The following CCSER1 variants were observed in gnomAD, a reference collection of about 807,000 sequenced individuals.
CCSER1 encodes serine-rich coiled-coil domain-containing protein 1.
CCSER1 carries 41 observed loss-of-function variants against 82.0 expected under a neutral mutation model. The ratio of observed to expected loss-of-function variants is 0.50; its 90% CI spans 0.39 to 0.65. The LOEUF (loss-of-function observed/expected upper bound fraction) is 0.65, where lower values mean the gene tolerates loss of function less well. Ranked by LOEUF, CCSER1 falls within the 30% of genes least tolerant of loss-of-function variation. The pLI is 0.00. For synonymous variants in CCSER1, 414 were observed against 383.9 expected, an observed-to-expected ratio of 1.08 and a Z score of -0.92; for missense variants, 1,119 against 1,064.2, an observed-to-expected ratio of 1.05 and a Z score of -0.72.
intron 10 of CCSER1, among the ~76,000 whole-genome samples, chr4:91,242,708 G>A (rs1025791817): frequency 6.6e-6 from 1 of 152,084 alleles, no homozygotes; most frequent in Non-Finnish European, 1.5e-5. Flanking sequence ...AAAAATATTA[G>A]CCATGGACTG....
chr4:90,725,145 T>A (rs981596910), intron 7 of CCSER1: 1 of 229,956 alleles, frequency 4.3e-6, no homozygotes, highest in African/African-American at 2.3e-5. Flanking sequence ...GCTACAAAGT[T>A]TGATGTTACC....
intron 9 of CCSER1, among the ~76,000 whole-genome samples, chr4:91,081,186 A>G (rs1336172956): frequency 6.6e-6 from 1 of 152,232 alleles, no homozygotes; most frequent in African/African-American, 2.4e-5. Context: ...CGAATTAGGC[A>G]GCAAATCAAA....
intron 10 of CCSER1, among the ~76,000 whole-genome samples, chr4:91,295,785 T>C (rs1038893125): frequency 7.2e-5 from 11 of 151,964 alleles, no homozygotes; most frequent in African/African-American, 2.7e-4. Context: ...TGCTCTTTGG[T>C]GTTACGCATC....
chr4:90,892,257 T>G (rs777243077), intron 8 of CCSER1, among the ~76,000 whole-genome samples: 32 of 151,944 alleles, frequency 2.1e-4, no homozygotes, highest in Admixed American at 2.1e-3. Flanking sequence ...CAGTAGACCT[T>G]TAATTTTACA....
intron 8 of CCSER1, among the ~76,000 whole-genome samples, chr4:90,890,416 G>T (rs1722789154): frequency 6.6e-6 from 1 of 152,132 alleles, no homozygotes; most frequent in African/African-American, 2.4e-5. Context: ...TTGTGTGTGG[G>T]TGTGTGCACA....
intron 1 of CCSER1, among the ~76,000 whole-genome samples, chr4:90,277,877 A>G (rs1728123612): frequency 6.6e-6 from 1 of 152,180 alleles, no homozygotes; most frequent in Non-Finnish European, 1.5e-5. Flanking sequence ...AAGAGAAACT[A>G]TTAAAGGAGT....
Position 90,923,394 on chromosome 4 carries a change from G to C in CCSER1, c.2119G>C (p.Ala707Pro), listed in dbSNP as rs1307331717. Residue 707 changes from alanine to proline, a missense_variant, in exon 9 of 11, where the codon GCT (alanine) becomes CCT (proline). By Grantham distance (27) the Ala-to-Pro change is conservative. Coordinates refer to ENST00000509176, the MANE Select transcript of CCSER1 (RefSeq NM_001145065.2). ...GGGAAAAGTCCGGCATTTACAGAAG[G>C]CTTTTGCTTCAAGAGTAGATAAATC... ...ELGKVRHLQK[A>P]FASRVDKSTQ... 1.3e-6 allele frequency: 2 copies of C among 1,551,420 alleles called. No homozygotes were observed. Among genetic ancestry groups the C allele is most frequent in the East Asian group, 4.9e-5 (2 of 40,904 alleles).
chr4:90,971,642 A>G (rs989589346), intron 9 of CCSER1, among the ~76,000 whole-genome samples: 3 of 152,020 alleles, frequency 2.0e-5, no homozygotes, highest in Admixed American at 6.6e-5. Context: ...AAAGGACAGT[A>G]TGCTTCAAAA....
At chr4:91,444,831 T>C (rs1214750022) in intron 10 of CCSER1, among the ~76,000 whole-genome samples, 1 of 152,232 alleles carries the variant, frequency 6.6e-6, no homozygotes, top group East Asian at 1.9e-4. Context: ...TAGTTTGTTG[T>C]CCTTGCTTGC....
At chr4:91,527,092 G>C (rs537764373) in intron 10 of CCSER1, among the ~76,000 whole-genome samples, 5 of 152,184 alleles carry the variant, frequency 3.3e-5, no homozygotes. Flanking sequence ...GAAGCAATGT[G>C]TTAATGCATG....
intron 1 of CCSER1, among the ~76,000 whole-genome samples, chr4:90,157,921 C>T (rs1026933496): frequency 6.6e-6 from 1 of 152,202 alleles, no homozygotes; most frequent in Non-Finnish European, 1.5e-5. Flanking sequence ...TGGTGAGGAA[C>T]TATGTTCCTT....
intron 5 of CCSER1, among the ~76,000 whole-genome samples, chr4:90,516,290 T>A (rs1772259981): frequency 6.6e-6 from 1 of 152,146 alleles, no homozygotes; most frequent in Non-Finnish European, 1.5e-5. Flanking sequence ...TTCACTTGAA[T>A]CCAAACAGGA....
At chr4:91,022,859 T>G (rs1340002089) in intron 9 of CCSER1, among the ~76,000 whole-genome samples, 1 of 152,180 alleles carries the variant, frequency 6.6e-6, no homozygotes, top group African/African-American at 2.4e-5. Context: ...ATGGGGTTGT[T>G]TATTTTTTTC....
chr4:90,438,703 G>T (rs1183360462), intron 4 of CCSER1, among the ~76,000 whole-genome samples: 1 of 152,054 alleles, frequency 6.6e-6, no homozygotes, highest in Non-Finnish European at 1.5e-5. Context: ...ATATGTCATG[G>T]TAGATCAGCA....
intron 6 of CCSER1, among the ~76,000 whole-genome samples, chr4:90,673,678 T>C (rs904944602): frequency 2.0e-5 from 3 of 151,948 alleles, no homozygotes; most frequent in African/African-American, 7.2e-5. Flanking sequence ...ATCTGTATTA[T>C]TGAGTAAGAG....
At chr4:90,228,536 A>G (rs1247248065) in intron 1 of CCSER1, among the ~76,000 whole-genome samples, 1 of 152,168 alleles carries the variant, frequency 6.6e-6, no homozygotes, top group African/African-American at 2.4e-5. Context: ...CAGAGCAGAA[A>G]AACTGGAAAC....
At chr4:90,628,752 A>C (rs951218323) in intron 6 of CCSER1, among the ~76,000 whole-genome samples, 1 of 152,124 alleles carries the variant, frequency 6.6e-6, no homozygotes, top group Non-Finnish European at 1.5e-5. Flanking sequence ...GGGCCTAGTT[A>C]CTGAAACAGT....
chr4:91,397,106 G>A (rs983829965), intron 10 of CCSER1, among the ~76,000 whole-genome samples: 1 of 151,978 alleles, frequency 6.6e-6, no homozygotes, highest in African/African-American at 2.4e-5. Context: ...ATTTCAAATT[G>A]CTAAATATTT....
intron 1 of CCSER1, among the ~76,000 whole-genome samples, chr4:90,161,292 C>G (rs1729385731): frequency 6.6e-6 from 1 of 152,120 alleles, no homozygotes; most frequent in Admixed American, 6.6e-5. Flanking sequence ...AAACAGTTAA[C>G]ACTTATTTAG....
Sources: allele counts gnomAD v4.1 joint callset (sites outside exome capture counted in the v4.1 genomes callset), GRCh38; gene constraint gnomAD v4.1.1; transcripts MANE v1.5; gene names NCBI Gene and HGNC (gene_info 2026-07-23, HGNC 2026-07-21).